The following IFT56 variants were observed in gnomAD, a reference collection of about 807,000 sequenced individuals.
IFT56 encodes the protein intraflagellar transport protein 56.
chr7:139,179,634 G>T, the IFT56 span: 4 of 1,613,238 alleles, frequency 2.5e-6, no homozygotes, highest in Non-Finnish European at 3.4e-6. Context: ...CAGCTGGTTA[G>T]CTCGGTGCTG....
the IFT56 span, among the ~76,000 whole-genome samples, chr7:139,138,873 C>T: frequency 5.3e-5 from 8 of 150,106 alleles, no homozygotes; most frequent in Non-Finnish European, 7.4e-5. Context: ...TGCAGTGGCA[C>T]GATCTCGGCT....
the IFT56 span, among the ~76,000 whole-genome samples, chr7:139,163,360 A>G: frequency 6.6e-6 from 1 of 152,178 alleles, no homozygotes; most frequent in East Asian, 1.9e-4. Flanking sequence ...AAAAAAGAAA[A>G]AAAAGAAAGT....
chr7:139,159,808 TA>T, the IFT56 span, among the ~76,000 whole-genome samples: 3 of 152,194 alleles, frequency 2.0e-5, no homozygotes, highest in Admixed American at 6.5e-5. Flanking sequence ...TTTTAAACTT[TA>T]AAAAAATTTA....
At chr7:139,153,532 C>T in the IFT56 span, among the ~76,000 whole-genome samples, 1 of 151,528 alleles carries the variant, frequency 6.6e-6, no homozygotes, top group Non-Finnish European at 1.5e-5. Context: ...TGTACTTTGT[C>T]ATTATATATT....
the IFT56 span, chr7:139,168,199 T>G: frequency 1.1e-5 from 5 of 457,448 alleles, no homozygotes; most frequent in African/African-American, 7.9e-5. Context: ...AATTCTTTTA[T>G]TCAAGCCAGG....
chr7:139,154,367 T>TG, the IFT56 span, among the ~76,000 whole-genome samples: 3 of 150,922 alleles, frequency 2.0e-5, no homozygotes, highest in African/African-American at 7.3e-5. Flanking sequence ...TTTTTTTTTT[T>TG]GCCTTTTGTT....
the IFT56 span, among the ~76,000 whole-genome samples, chr7:139,153,214 A>T: frequency 6.6e-6 from 1 of 151,940 alleles, no homozygotes; most frequent in Admixed American, 6.6e-5. Flanking sequence ...ACATTTTAGA[A>T]GTCCGAGGCA....
At chr7:139,182,496 G>A in the IFT56 span, among the ~76,000 whole-genome samples, 3 of 152,176 alleles carry the variant, frequency 2.0e-5, no homozygotes, top group South Asian at 2.1e-4. Flanking sequence ...AATCTGAAGT[G>A]TCTTTGAGGC....
chr7:139,176,248 G>A, the IFT56 span, among the ~76,000 whole-genome samples: 18 of 152,106 alleles, frequency 1.2e-4, no homozygotes, highest in Admixed American at 2.6e-4. Flanking sequence ...TGCTTGATGT[G>A]ATGCATACCC....
the IFT56 span, among the ~76,000 whole-genome samples, chr7:139,141,131 G>T: frequency 1.3e-5 from 2 of 150,676 alleles, no homozygotes; most frequent in Admixed American, 6.6e-5. Context: ...CGTGGTGGCG[G>T]GCGCCTGTAG....
chr7:139,143,059 CA>C, the IFT56 span, among the ~76,000 whole-genome samples: 1 of 151,864 alleles, frequency 6.6e-6, no homozygotes, highest in East Asian at 1.9e-4. Flanking sequence ...CCACCAAATG[CA>C]TCATATGTGC....
chr7:139,190,056 A>G, the IFT56 span: 1 of 152,262 alleles, frequency 6.6e-6, no homozygotes, highest in Non-Finnish European at 1.5e-5. Context: ...TGAGTATTGC[A>G]ATGTTTTAAA....
the IFT56 span, chr7:139,189,463 T>A: frequency 7.0e-7 from 1 of 1,421,310 alleles, no homozygotes; most frequent in Non-Finnish European, 9.9e-7. Flanking sequence ...AACCAGCTTC[T>A]ACTTTGACAT....
At chr7:139,184,968 G>C in the IFT56 span, among the ~76,000 whole-genome samples, 1 of 151,542 alleles carries the variant, frequency 6.6e-6, no homozygotes, top group African/African-American at 2.4e-5. Context: ...GCAGGAGAAT[G>C]GCGTGAACCC....
the IFT56 span, chr7:139,168,579 A>AC: frequency 6.7e-6 from 4 of 592,974 alleles, no homozygotes; most frequent in South Asian, 5.9e-5. Flanking sequence ...CAAAAAAAAA[A>AC]AACAAAAAAA....
chr7:139,188,588 G>T, the IFT56 span, among the ~76,000 whole-genome samples: 1 of 152,154 alleles, frequency 6.6e-6, no homozygotes, highest in Non-Finnish European at 1.5e-5. Context: ...AAAACATTTG[G>T]TTAGGTGAAA....
chr7:139,162,480 T>C, the IFT56 span, among the ~76,000 whole-genome samples: 1 of 152,226 alleles, frequency 6.6e-6, no homozygotes, highest in Non-Finnish European at 1.5e-5. Flanking sequence ...TGAACACATA[T>C]TACTTTTATT....
the IFT56 span, among the ~76,000 whole-genome samples, chr7:139,185,519 A>T: frequency 6.6e-6 from 1 of 152,206 alleles, no homozygotes; most frequent in South Asian, 2.1e-4. Flanking sequence ...GTTGAATCAT[A>T]GGTACAAGAC....
chr7:139,189,290 A>G, the IFT56 span: 2 of 1,471,210 alleles, frequency 1.4e-6, no homozygotes, highest in East Asian at 4.6e-5. Flanking sequence ...TCTTCATTGA[A>G]ACACTTTGTC....
Sources: allele counts gnomAD v4.1 joint callset (sites outside exome capture counted in the v4.1 genomes callset), GRCh38; gene constraint gnomAD v4.1.1; transcripts MANE v1.5; gene names NCBI Gene and HGNC (gene_info 2026-07-23, HGNC 2026-07-21).